The following LSAMP variants were observed in gnomAD, a reference collection of about 807,000 sequenced individuals.
LSAMP encodes the protein limbic system-associated membrane protein.
A neutral mutation model predicts 38.6 loss-of-function variants in LSAMP; 7 were observed. The ratio of observed to expected loss-of-function variants is 0.18; its 90% CI spans 0.10 to 0.34. The LOEUF is 0.34. Among genes scored for constraint, LSAMP ranks in the 10% least tolerant of loss-of-function variants. The pLI is 1.00. For missense variants in LSAMP, 313 were observed against 420.0 expected, an observed-to-expected ratio of 0.75 and a Z score of 2.23; for synonymous variants, 154 against 166.8, an observed-to-expected ratio of 0.92 and a Z score of 0.59.
At chr3:116,013,268 C>T (rs983439957) in intron 3 of LSAMP, among the ~76,000 whole-genome samples, 6 of 152,122 alleles carry the variant, frequency 3.9e-5, no homozygotes, top group Admixed American at 3.9e-4. Context: ...TAAAGGCTGA[C>T]CATGTCAGTT....
rs905572375 is a variant in LSAMP at position 115,851,034 on chromosome 3, C to T, written c.649+1449G>A. On this transcript the variant is annotated intron_variant, in intron 4 of 6. Transcript: ENST00000490035. Reference sequence around the variant, plus strand: ...TGTTGCCCATGCTGAAGTGCAGTGGCGCGATCTCGGCTCACTGCAACCTCC... The same window carrying T: ...TGTTGCCCATGCTGAAGTGCAGTGGTGCGATCTCGGCTCACTGCAACCTCC... Among the ~76,000 whole-genome samples, 6 of 152,098 alleles carry T rather than the reference C, an allele frequency of 3.9e-5. No individual in the cohort carries two copies. The South Asian group carries it at 1.0e-3, about 26-fold the overall frequency.
chr3:116,179,275 A>G (rs6795734), intron 1 of LSAMP, among the ~76,000 whole-genome samples: 75,927 of 151,916 alleles, frequency 0.5, 21,467 homozygotes, highest in East Asian at 0.74. Context: ...TCCTCAAATA[A>G]TTTCCCTGCT....
chr3:116,009,261 A>G (rs1290805012), intron 3 of LSAMP, among the ~76,000 whole-genome samples: 4 of 152,172 alleles, frequency 2.6e-5, no homozygotes, highest in Non-Finnish European at 4.4e-5. Flanking sequence ...ACTGTGGCCC[A>G]TAGAGCAGCA....
chr3:116,419,132 C>A (rs1247268292), intron 1 of LSAMP, among the ~76,000 whole-genome samples: 2 of 152,322 alleles, frequency 1.3e-5, no homozygotes, highest in East Asian at 3.9e-4. Context: ...TCCCAAATCA[C>A]CCTACGCTTC....
chr3:115,808,640 T>A lies in LSAMP; in HGVS notation c.*1677A>T, dbSNP rs1366871900. On this transcript the variant is annotated 3_prime_UTR_variant, in exon 7 of 7. Transcript: ENST00000490035. ...GCAGGGAAGATGAATATCATGCAATTCTTAGCACCCTGGCATAGGATAACA... is the reference window on the plus strand; with the variant it reads ...GCAGGGAAGATGAATATCATGCAATACTTAGCACCCTGGCATAGGATAACA... 2 of 152,216 alleles carry A rather than the reference T, an allele frequency of 1.3e-5. No individual in the cohort carries two copies. The highest frequency in any genetic ancestry group is 2.9e-5 in the Non-Finnish European group (2 of 68,032). 9.4% of individuals were successfully genotyped at this position (152,216 alleles called of 1,614,324 possible).
intron 1 of LSAMP, among the ~76,000 whole-genome samples, chr3:116,306,772 A>G (rs570654203): frequency 6.6e-6 from 1 of 152,190 alleles, no homozygotes; most frequent in South Asian, 2.1e-4. Context: ...AAGCAGGAAC[A>G]TTTTGAGTGA....
intron 1 of LSAMP, among the ~76,000 whole-genome samples, chr3:116,356,880 G>A (rs1332877340): frequency 4.6e-5 from 7 of 152,000 alleles, no homozygotes; most frequent in South Asian, 2.1e-4. Flanking sequence ...TGCAAGCTCC[G>A]CCTCCTGGGT....
Position 116,320,307 on chromosome 3 carries a change from G to A in LSAMP, c.155+124570C>T, listed in dbSNP as rs563214613. Among the ~76,000 whole-genome samples the A allele has an allele frequency of 3.3e-5, 5 of 152,230 alleles. No individual in the cohort carries two copies. In the South Asian group the frequency reaches 1.0e-3, roughly 32 times the overall value. ...GCACACCTGTAGTCCTAGCTACTCA[G>A]GAGCCTGAGGCAGGAGAACTGCTTG... On this transcript the variant is annotated intron_variant, in intron 1 of 6. Coordinates refer to ENST00000490035, the MANE Select transcript of LSAMP (RefSeq NM_002338.5).
intron 1 of LSAMP, chr3:116,370,086 C>T (rs367869490): frequency 6.6e-6 from 1 of 152,360 alleles, no homozygotes; most frequent in African/African-American, 2.4e-5. Context: ...TTAAAACGAA[C>T]AAAACATACT....
At chr3:116,090,713 C>G (rs530066210) in intron 1 of LSAMP, among the ~76,000 whole-genome samples, 1 of 152,046 alleles carries the variant, frequency 6.6e-6, no homozygotes, top group Non-Finnish European at 1.5e-5. Context: ...AGACATCACA[C>G]GTTGGTAGGA....
chr3:116,405,893 T>C lies in LSAMP; in HGVS notation c.155+38984A>G, dbSNP rs2048891734. On this transcript the variant is annotated intron_variant, in intron 1 of 6. Coordinates refer to ENST00000490035, the MANE Select transcript of LSAMP (RefSeq NM_002338.5). Reference sequence around the variant, plus strand: ...GTGGGAAGAAAGAGAAGTAACTACTTGAACATGGAAAAACCAGAAACAGGT... The same window carrying C: ...GTGGGAAGAAAGAGAAGTAACTACTCGAACATGGAAAAACCAGAAACAGGT... Among the ~76,000 whole-genome samples, 5 of 152,196 alleles carry C rather than the reference T, an allele frequency of 3.3e-5. No homozygotes were observed. In the South Asian group the frequency reaches 1.0e-3, roughly 31 times the overall value.
At chr3:116,146,182 T>A (rs1709486294) in intron 1 of LSAMP, among the ~76,000 whole-genome samples, 2 of 151,998 alleles carry the variant, frequency 1.3e-5, no homozygotes, top group Non-Finnish European at 2.9e-5. Context: ...TAGTGACTCT[T>A]CCTGCTTTCT....
At chr3:116,126,726 G>A (rs552577988) in intron 1 of LSAMP, among the ~76,000 whole-genome samples, 1 of 152,264 alleles carries the variant, frequency 6.6e-6, no homozygotes, top group African/African-American at 2.4e-5. Flanking sequence ...GCTGGGTGTG[G>A]TGGTGCATGC....
rs570534206 is a variant in LSAMP, at chr3:116,395,654, T to C, written c.155+49223A>G. On this transcript the variant is annotated intron_variant, in intron 1 of 6. Coordinates refer to ENST00000490035, the MANE Select transcript of LSAMP (RefSeq NM_002338.5). ...TATTATCTCTAGAGAAAGACTCAGA[T>C]TGTACAGTCTGCTTGGAAAACTAAG... 7.2e-5 allele frequency among the ~76,000 whole-genome samples: 11 copies of C among 152,276 alleles called. No homozygotes were observed. The East Asian group carries it at 2.1e-3, about 29-fold the overall frequency.
At chr3:116,432,445 A>C (rs1167850672) in intron 1 of LSAMP, among the ~76,000 whole-genome samples, 1 of 151,850 alleles carries the variant, frequency 6.6e-6, no homozygotes, top group Non-Finnish European at 1.5e-5. Flanking sequence ...GATCCTGTAC[A>C]AATACATACT....
chr3:116,424,649 A>G (rs2049171379), intron 1 of LSAMP, among the ~76,000 whole-genome samples: 1 of 152,166 alleles, frequency 6.6e-6, no homozygotes, highest in Non-Finnish European at 1.5e-5. Flanking sequence ...GAGAGGACAT[A>G]GTGTGGATTA....
At chr3:116,318,376 A>AG (rs1323672404) in intron 1 of LSAMP, among the ~76,000 whole-genome samples, 47 of 152,250 alleles carry the variant, frequency 3.1e-4, no homozygotes, top group African/African-American at 1.1e-3. Flanking sequence ...CCACACCAGG[A>AG]GGAGAAAAGG....
chr3:115,875,180 TCAG>T (rs1457329167), intron 3 of LSAMP, among the ~76,000 whole-genome samples: 2 of 152,144 alleles, frequency 1.3e-5, no homozygotes, highest in Admixed American at 6.5e-5. Context: ...AATATTTTCC[TCAG>T]AAGAGATGTT....
intron 1 of LSAMP, among the ~76,000 whole-genome samples, chr3:116,370,906 G>C (rs1225698009): frequency 1.3e-5 from 2 of 152,224 alleles, no homozygotes; most frequent in South Asian, 4.1e-4. Context: ...CATCGCTACT[G>C]ATTCAACATA....
Sources: allele counts gnomAD v4.1 joint callset (sites outside exome capture counted in the v4.1 genomes callset), GRCh38; gene constraint gnomAD v4.1.1; transcripts MANE v1.5; gene names NCBI Gene and HGNC (gene_info 2026-07-23, HGNC 2026-07-21).